The following PTPRM variants were observed in gnomAD, a reference collection of about 807,000 sequenced individuals.
PTPRM encodes receptor-type tyrosine-protein phosphatase mu.
A neutral mutation model predicts 186.7 loss-of-function variants in PTPRM; 47 were observed. The ratio of observed to expected loss-of-function variants is 0.25; its 90% CI spans 0.20 to 0.32. PTPRM has a LOEUF of 0.32. Ranked by LOEUF, PTPRM falls within the 10% of genes least tolerant of loss-of-function variation. The pLI is 1.00. For synonymous variants in PTPRM, 668 were observed against 674.9 expected, an observed-to-expected ratio of 0.99 and a Z score of 0.16; for missense variants, 1,494 against 1,865.0, an observed-to-expected ratio of 0.80 and a Z score of 3.66.
rs2090621834 is a variant in PTPRM at position 8,089,893 on chromosome 18, C to T, written c.1856+1042C>T. ...TAGTGAAGTCAGATTAGGGAAGAGT[C>T]ACAGAAATTTTTATTTGAAAAATCT... On this transcript the variant is annotated intron_variant, in intron 11 of 32. Coordinates refer to ENST00000580170, the MANE Select transcript of PTPRM (RefSeq NM_001105244.2). Among the ~76,000 whole-genome samples, 5 of 152,090 alleles carry T rather than the reference C, an allele frequency of 3.3e-5. No individual in the cohort carries two copies. In the South Asian group the frequency reaches 1.0e-3, roughly 32 times the overall value.
At chr18:7,608,762 T>C (rs963890487) in intron 1 of PTPRM, among the ~76,000 whole-genome samples, 1 of 152,232 alleles carries the variant, frequency 6.6e-6, no homozygotes, top group African/African-American at 2.4e-5. Context: ...TGCCCACAGC[T>C]GTCTTCGGGA....
chr18:7,755,253 A>T (rs2041423391), intron 1 of PTPRM: 1 of 152,176 alleles, frequency 6.6e-6, no homozygotes, highest in Admixed American at 6.5e-5. Context: ...AAAAAGATGA[A>T]CTGGAAAGAT....
intron 20 of PTPRM, among the ~76,000 whole-genome samples, chr18:8,312,314 C>T (rs2095275212): frequency 6.6e-6 from 1 of 152,140 alleles, no homozygotes; most frequent in African/African-American, 2.4e-5. Flanking sequence ...AAACCCCCAA[C>T]AGTGGAAAAC....
intron 14 of PTPRM, among the ~76,000 whole-genome samples, chr18:8,149,022 G>A (rs912345558): frequency 6.6e-6 from 1 of 152,124 alleles, no homozygotes; most frequent in African/African-American, 2.4e-5. Context: ...GAGACTGTTT[G>A]TTATGATTTC....
At chr18:7,917,934 A>G (rs1366727656) in intron 4 of PTPRM, among the ~76,000 whole-genome samples, 2 of 152,074 alleles carry the variant, frequency 1.3e-5, no homozygotes, top group African/African-American at 4.8e-5. Context: ...AATATGTTCT[A>G]TTTGTTTTTC....
Position 8,118,967 on chromosome 18 carries a change from A to G in PTPRM, c.2167+4140A>G, listed in dbSNP as rs141478778. Among the ~76,000 whole-genome samples the G allele has an allele frequency of 5.8e-3, 882 of 151,872 alleles. 5 individuals are homozygous for G. The highest frequency in any genetic ancestry group is 0.02 in the African/African-American group (843 of 41,464). On this transcript the variant is annotated intron_variant, in intron 13 of 32. Transcript: ENST00000580170. The stretch of plus-strand genomic sequence containing the variant: ...AAGATTGGACACCCCTGGTCTAGCT[A>G]GAAGTCAAAGCAAAAACTTCACGTA...
At chr18:8,402,612 C>G (rs2095878099) in intron 32 of PTPRM, among the ~76,000 whole-genome samples, 1 of 151,982 alleles carries the variant, frequency 6.6e-6, no homozygotes, top group Non-Finnish European at 1.5e-5. Flanking sequence ...GTGTAGATTT[C>G]CATTACAGAA....
chr18:7,798,297 G>A (rs1039730696), intron 2 of PTPRM, among the ~76,000 whole-genome samples: 3 of 152,188 alleles, frequency 2.0e-5, no homozygotes, highest in East Asian at 1.9e-4. Context: ...TTGGGAGGCC[G>A]GGGTGGGCAG....
At chr18:7,674,263 G>A (rs1298778997) in intron 1 of PTPRM, among the ~76,000 whole-genome samples, 1 of 152,164 alleles carries the variant, frequency 6.6e-6, no homozygotes, top group East Asian at 1.9e-4. Context: ...CTGCCCAGGT[G>A]ATTCTAAAAG....
At chr18:8,336,465 T>A (rs2095439478) in intron 22 of PTPRM, among the ~76,000 whole-genome samples, 1 of 151,786 alleles carries the variant, frequency 6.6e-6, no homozygotes, top group African/African-American at 2.4e-5. Context: ...GGTGGGAGGA[T>A]CACTTGAATC....
chr18:7,738,415 T>G (rs1231090391), intron 1 of PTPRM, among the ~76,000 whole-genome samples: 1 of 152,024 alleles, frequency 6.6e-6, no homozygotes, highest in Non-Finnish European at 1.5e-5. Flanking sequence ...GAGACAAAAT[T>G]TCATAGCCCA....
At chr18:7,672,890 G>A (rs537163412) in intron 1 of PTPRM, among the ~76,000 whole-genome samples, 36 of 152,286 alleles carry the variant, frequency 2.4e-4, no homozygotes, top group African/African-American at 7.7e-4. Flanking sequence ...CAATCTGCAC[G>A]CACACCTGCG....
chr18:7,731,067 CTATT>C lies in PTPRM; in HGVS notation c.74-43079_74-43076del, dbSNP rs200864299. Among the ~76,000 whole-genome samples the C allele has an allele frequency of 9.4e-3, 1,430 of 152,318 alleles. 33 individuals carry two copies. The highest frequency in any genetic ancestry group is 0.033 in the African/African-American group (1,366 of 41,576). ...CAAGTTAACCTGCCATCCATCATAT[CTATT>C]TAACTGTACTCCAGAGTGAATTAAA... On this transcript the variant is annotated intron_variant, in intron 1 of 32. Coordinates refer to ENST00000580170, the MANE Select transcript of PTPRM (RefSeq NM_001105244.2).
chr18:7,797,915 G>T (rs913917083), intron 2 of PTPRM, among the ~76,000 whole-genome samples: 1 of 152,100 alleles, frequency 6.6e-6, no homozygotes, highest in Non-Finnish European at 1.5e-5. Context: ...CTAGCCACTG[G>T]GATTTAATTT....
intron 7 of PTPRM, among the ~76,000 whole-genome samples, chr18:8,019,558 A>C (rs1303910003): frequency 6.6e-6 from 1 of 151,878 alleles, no homozygotes; most frequent in Non-Finnish European, 1.5e-5. Flanking sequence ...GTGGAAAAGA[A>C]AACATTTTTT....
At chr18:7,841,449 G>T (rs56310854) in intron 2 of PTPRM, among the ~76,000 whole-genome samples, 1 of 151,706 alleles carries the variant, frequency 6.6e-6, no homozygotes, top group South Asian at 2.1e-4. Flanking sequence ...CTGCCACCAC[G>T]CCAGGCTAGT....
intron 13 of PTPRM, among the ~76,000 whole-genome samples, chr18:8,132,812 G>T (rs1466459608): frequency 6.6e-6 from 1 of 152,082 alleles, no homozygotes; most frequent in East Asian, 1.9e-4. Context: ...ATAACGTTTT[G>T]CCACTAGTAT....
At chr18:7,631,476 G>C (rs1189921302) in intron 1 of PTPRM, among the ~76,000 whole-genome samples, 1 of 143,752 alleles carries the variant, frequency 7.0e-6, no homozygotes, top group African/African-American at 2.7e-5. Flanking sequence ...GTAATTTCAC[G>C]ATATGCCGGG....
At chr18:8,405,457 G>A (rs1313143424) in intron 32 of PTPRM, among the ~76,000 whole-genome samples, 3 of 152,178 alleles carry the variant, frequency 2.0e-5, no homozygotes, top group African/African-American at 4.8e-5. Context: ...CGTCCTCTGG[G>A]GAAGGCGCTG....
Sources: allele counts gnomAD v4.1 joint callset (sites outside exome capture counted in the v4.1 genomes callset), GRCh38; gene constraint gnomAD v4.1.1; transcripts MANE v1.5; gene names NCBI Gene and HGNC (gene_info 2026-07-23, HGNC 2026-07-21).